The following PAAF1 variants were observed in gnomAD, a reference collection of about 807,000 sequenced individuals.
PAAF1 encodes the protein proteasomal ATPase-associated factor 1.
PAAF1 carries 46 observed loss-of-function variants against 52.8 expected under a neutral mutation model. The observed-to-expected ratio is 0.87, with a 90% CI of 0.69 to 1.11. The LOEUF (loss-of-function observed/expected upper bound fraction) is 1.11, where lower values mean the gene tolerates loss of function less well. Among genes scored for constraint, PAAF1 ranks in the 50% most tolerant of loss-of-function variants. PAAF1 has a pLI of 0.00. For synonymous variants in PAAF1, 178 were observed against 172.8 expected, an observed-to-expected ratio of 1.03 and a Z score of -0.24; for missense variants, 424 against 477.4, an observed-to-expected ratio of 0.89 and a Z score of 1.04.
intron 4 of PAAF1, among the ~76,000 whole-genome samples, chr11:73,897,140 G>C (rs1421905521): frequency 2.3e-4 from 32 of 138,144 alleles, no homozygotes; most frequent in Non-Finnish European, 3.2e-4. Flanking sequence ...GCCGGGCAGA[G>C]GCGCCCCTCA....
intron 8 of PAAF1, 43 bp from the exon 9 acceptor site, chr11:73,916,502 A>G: frequency 7.4e-7 from 1 of 1,353,736 alleles, no homozygotes. Flanking sequence ...CTTGGAAACA[A>G]ATTAATCTTT....
intron 4 of PAAF1, among the ~76,000 whole-genome samples, chr11:73,896,100 C>A (rs535909127): frequency 1.3e-5 from 2 of 151,986 alleles, no homozygotes; most frequent in Non-Finnish European, 2.9e-5. Context: ...CAGAGTGAGA[C>A]CCTGTCTTTA....
intron 10 of PAAF1, among the ~76,000 whole-genome samples, chr11:73,921,164 G>A (rs909168101): frequency 2.6e-5 from 4 of 152,172 alleles, no homozygotes; most frequent in African/African-American, 9.6e-5. Flanking sequence ...GCTAGGCATG[G>A]TGGTGTGCAC....
At chr11:73,889,281 A>C in intron 3 of PAAF1, 1 of 1,221,954 alleles carries the variant, frequency 8.2e-7, no homozygotes, top group Non-Finnish European at 1.1e-6. Context: ...TTTGTTTCCT[A>C]ACTGCCATGA....
intron 5 of PAAF1, among the ~76,000 whole-genome samples, chr11:73,899,573 A>G (rs985573456): frequency 6.6e-6 from 1 of 151,826 alleles, no homozygotes; most frequent in African/African-American, 2.4e-5. Flanking sequence ...CACCACACAC[A>G]TCTAATTTTT....
At chr11:73,879,412 G>T (rs540686683) in intron 2 of PAAF1, 2 of 152,188 alleles carry the variant, frequency 1.3e-5, no homozygotes, top group East Asian at 3.9e-4. Context: ...TTTTTCTTTT[G>T]AACAACAGTC....
chr11:73,905,751 A>G (rs1402271832), intron 6 of PAAF1, among the ~76,000 whole-genome samples: 5 of 152,152 alleles, frequency 3.3e-5, no homozygotes, highest in African/African-American at 1.2e-4. Context: ...GTATTACTTG[A>G]AATTTATACA....
At chr11:73,925,612 A>C (rs916744854) in intron 11 of PAAF1, among the ~76,000 whole-genome samples, 5 of 152,000 alleles carry the variant, frequency 3.3e-5, no homozygotes, top group Non-Finnish European at 5.9e-5. Flanking sequence ...ATTCATTCTT[A>C]TTATTATTAA....
chr11:73,918,596 CCT>C (rs935253729), intron 9 of PAAF1, among the ~76,000 whole-genome samples: 48 of 151,668 alleles, frequency 3.2e-4, no homozygotes, highest in African/African-American at 1.1e-3. Context: ...CCTGCCTCAG[CCT>C]CTTTCTTTTT....
In PAAF1 at chr11:73,921,922, T is replaced by A. The variant is rs571832021; in HGVS notation, c.1019-2693T>A. The A allele has an allele frequency of 5.5e-5, 59 of 1,082,046 alleles. No individual in the cohort carries two copies. The East Asian group carries it at 1.6e-3, about 30-fold the overall frequency. 67.0% of individuals were successfully genotyped at this position (1,082,046 alleles called of 1,614,324 possible). ...CAGTGTATACATTTCTTTCTCACCT[T>A]GGCTTTTGGAATTGCACTTCTGGAG... On this transcript the variant is annotated intron_variant, in intron 10 of 11. Transcript: ENST00000310571.
At chr11:73,897,026 G>T (rs1315067728) in intron 4 of PAAF1, among the ~76,000 whole-genome samples, 3 of 141,654 alleles carry the variant, frequency 2.1e-5, no homozygotes, top group South Asian at 2.3e-4. Context: ...CCGGGCAGAG[G>T]GGCTCCTCAC....
chr11:73,894,519 G>A (rs942146589), intron 4 of PAAF1, among the ~76,000 whole-genome samples: 1 of 151,742 alleles, frequency 6.6e-6, no homozygotes, highest in Admixed American at 6.6e-5. Context: ...ATTAGGAGAT[G>A]TACCTAATGT....
chr11:73,918,902 T>C (rs761582240), intron 9 of PAAF1, 48 bp from the exon 10 acceptor site: 2 of 1,433,078 alleles, frequency 1.4e-6, no homozygotes, highest in Non-Finnish European at 2.0e-6. Flanking sequence ...TAGTCAAGTA[T>C]TGCTTTTGAA....
Position 73,897,787 on chromosome 11 carries a change from G to A in PAAF1, c.283-1359G>A, listed in dbSNP as rs1458937456. On this transcript the variant is annotated intron_variant, in intron 4 of 11. Transcript: ENST00000310571. ...TCACTTCCCAGACAGGGTGGCGGCC[G>A]GGCAGAGGCTGCAATCTCGGCACTT... Among the ~76,000 whole-genome samples, 5 of 152,146 alleles carry A rather than the reference G, an allele frequency of 3.3e-5. No homozygotes were observed. In the East Asian group the frequency reaches 5.8e-4, roughly 18 times the overall value.
Position 73,911,138 on chromosome 11 carries a change from C to T in PAAF1, c.727+1545C>T, listed in dbSNP as rs192289645. ...AACCTACGTGACACATTATTGTCAC[C>T]CAAAGTTCAGAGTTTACATTAGGGC... On this transcript the variant is annotated intron_variant, in intron 7 of 11. Transcript: ENST00000310571. 2.0e-5 allele frequency among the ~76,000 whole-genome samples: 3 copies of T among 152,076 alleles called. No homozygotes were observed. The East Asian group carries it at 5.8e-4, about 29-fold the overall frequency.
At chr11:73,917,965 C>T (rs1258893456) in intron 9 of PAAF1, among the ~76,000 whole-genome samples, 3 of 151,888 alleles carry the variant, frequency 2.0e-5, no homozygotes, top group Non-Finnish European at 1.5e-5. Context: ...GCAGTGTGAT[C>T]ACTTGTCTGA....
chr11:73,886,006 C>T lies in PAAF1; in HGVS notation c.89-1348C>T, dbSNP rs139034390. On this transcript the variant is annotated intron_variant, in intron 2 of 11. Coordinates refer to ENST00000310571, the MANE Select transcript of PAAF1 (RefSeq NM_025155.3). The stretch of plus-strand genomic sequence containing the variant: ...TTCACAGTCTGTTGGGCAAGTCAGA[C>T]ATGTAAACAGTGTGTTATGGGCTGT... Among the ~76,000 whole-genome samples the T allele has an allele frequency of 1.1e-4, 16 of 152,130 alleles. No homozygotes were observed. In the East Asian group the frequency reaches 2.9e-3, roughly 27 times the overall value.
At chr11:73,893,938 AG>A in intron 4 of PAAF1, among the ~76,000 whole-genome samples, 1 of 152,060 alleles carries the variant, frequency 6.6e-6, no homozygotes, top group East Asian at 1.9e-4. Flanking sequence ...GTACATCTGT[AG>A]TCCCAGCTAG....
rs1227824066 is a variant in PAAF1, at chr11:73,883,147, A to G, written c.89-4207A>G. ...AACTCCTGTGTTTATTTTTTAATACATGGGGTCTCGCTGTGTTTCCCAGGT... is the reference window on the plus strand; with the variant it reads ...AACTCCTGTGTTTATTTTTTAATACGTGGGGTCTCGCTGTGTTTCCCAGGT... On this transcript the variant is annotated intron_variant, in intron 2 of 11. Coordinates refer to ENST00000310571, the MANE Select transcript of PAAF1 (RefSeq NM_025155.3). 3.9e-5 allele frequency among the ~76,000 whole-genome samples: 6 copies of G among 151,978 alleles called. No homozygotes were observed. In the East Asian group the frequency reaches 1.2e-3, roughly 29 times the overall value.
Sources: gnomAD v4.1 joint callset for allele counts (sites outside exome capture counted in the v4.1 genomes callset) on GRCh38, gnomAD v4.1.1 for gene constraint, MANE v1.5 for transcripts, NCBI Gene and HGNC (gene_info 2026-07-23, HGNC 2026-07-21) for gene names.